The following CCM2 variants were observed in gnomAD, a reference collection of about 807,000 sequenced individuals.
The protein encoded by CCM2 is cerebral cavernous malformations 2 protein.
CCM2 carries 25 observed loss-of-function variants against 44.9 expected under a neutral mutation model. The ratio of observed to expected loss-of-function variants is 0.56; its 90% CI spans 0.41 to 0.78. The LOEUF (loss-of-function observed/expected upper bound fraction) is 0.78, where lower values mean the gene tolerates loss of function less well. Ranked by LOEUF, CCM2 falls within the 30% of genes least tolerant of loss-of-function variation. The probability of loss-of-function intolerance (pLI) is 0.00; values close to 1 mark genes in which losing one functional copy is unlikely to be tolerated. For synonymous variants in CCM2, 219 were observed against 241.1 expected (o/e 0.91, Z 0.85); for missense variants, 481 against 580.6 (o/e 0.83, Z 1.76).
chr7:45,076,371 C>CGGCT lies in CCM2; in HGVS notation c.*316_*319dup, dbSNP rs760302025. ...CAGTCCTGTCGGCTGGGCCCTTGGACGGCTGTCAGTTTTGCACATGATGTT... is the reference window on the plus strand; with the variant it reads ...CAGTCCTGTCGGCTGGGCCCTTGGACGGCTGGCTGTCAGTTTTGCACATGATGTT... On this transcript the variant is annotated 3_prime_UTR_variant, in exon 10 of 10. Transcript: ENST00000258781. 3.7e-6 allele frequency: 2 copies of CGGCT among 539,942 alleles called. No individual in the cohort carries two copies. Among genetic ancestry groups the CGGCT allele is most frequent in the South Asian group, 3.3e-5 (2 of 60,098 alleles). The allele number at this position is 539,942 out of a possible 1,614,324, so 33.4% of individuals were successfully genotyped here.
At chr7:45,015,604 TG>T (rs1796233997) in intron 1 of CCM2, among the ~76,000 whole-genome samples, 1 of 152,212 alleles carries the variant, frequency 6.6e-6, no homozygotes, top group African/African-American at 2.4e-5. Context: ...AGCTGGGCCC[TG>T]GGTATCTCAG....
chr7:45,063,632 A>G (rs1372424265), intron 2 of CCM2, among the ~76,000 whole-genome samples: 1 of 152,238 alleles, frequency 6.6e-6, no homozygotes, highest in Non-Finnish European at 1.5e-5. Context: ...TACCAAAACT[A>G]GTAGTTTTGG....
At chr7:45,070,314 C>T (rs369996021) in intron 6 of CCM2, 1 of 378,382 alleles carries the variant, frequency 2.6e-6, no homozygotes. Context: ...ATTGGGGAGG[C>T]TGAGAGTGGG....
chr7:45,044,765 A>G (rs1797673132), intron 2 of CCM2, among the ~76,000 whole-genome samples: 1 of 152,228 alleles, frequency 6.6e-6, no homozygotes, highest in Non-Finnish European at 1.5e-5. Context: ...GAATATAATT[A>G]TTTCCAAATT....
intron 1 of CCM2, among the ~76,000 whole-genome samples, chr7:45,015,615 G>A (rs6969223): frequency 0.87 from 131,976 of 152,186 alleles, 57,545 homozygotes; most frequent in African/African-American, 0.96. Flanking sequence ...GGGTATCTCA[G>A]TTTTCCCCAT....
intron 1 of CCM2, among the ~76,000 whole-genome samples, chr7:45,002,745 T>C (rs1309099836): frequency 6.6e-6 from 1 of 152,172 alleles, no homozygotes; most frequent in Non-Finnish European, 1.5e-5. Context: ...AAGTGGGCCA[T>C]GGTTCGTTTA....
chr7:45,052,938 A>G lies in CCM2; in HGVS notation c.205-10980A>G, dbSNP rs75643878. Among the ~76,000 whole-genome samples, 1,369 of 152,336 alleles carry G rather than the reference A, an allele frequency of 9.0e-3. 17 individuals carry two copies. The highest frequency in any genetic ancestry group is 0.03 in the African/African-American group (1,258 of 41,566). ...ATAGCTCTTATTCTTTAGACAAAGG[A>G]CCAATGGAAGGATTCTGCAAAGTGC... On this transcript the variant is annotated intron_variant, in intron 2 of 9. Coordinates refer to ENST00000258781, the MANE Select transcript of CCM2 (RefSeq NM_031443.4).
At chr7:45,004,368 G>T (rs1191858250) in intron 1 of CCM2, among the ~76,000 whole-genome samples, 4 of 152,298 alleles carry the variant, frequency 2.6e-5, no homozygotes, top group Admixed American at 2.6e-4. Flanking sequence ...AAACAAAGGG[G>T]ATAGCTGAAT....
At chr7:45,060,759 C>T (rs961692746) in intron 2 of CCM2, among the ~76,000 whole-genome samples, 5 of 152,212 alleles carry the variant, frequency 3.3e-5, no homozygotes, top group African/African-American at 1.2e-4. Context: ...TGTTACAGGA[C>T]TTTTGCTTTC....
intron 1 of CCM2, among the ~76,000 whole-genome samples, chr7:45,022,393 G>A (rs1184611791): frequency 1.6e-5 from 2 of 128,300 alleles, no homozygotes; most frequent in African/African-American, 5.8e-5. Flanking sequence ...TGCAAACTCC[G>A]CCTCCCGGGT....
chr7:45,062,248 T>A (rs1255751507), intron 2 of CCM2, among the ~76,000 whole-genome samples: 1 of 152,112 alleles, frequency 6.6e-6, no homozygotes, highest in Non-Finnish European at 1.5e-5. Context: ...AACTTAACTG[T>A]GTGAGGTAAT....
chr7:45,030,292 G>A (rs1416214184), intron 1 of CCM2, among the ~76,000 whole-genome samples: 1 of 152,204 alleles, frequency 6.6e-6, no homozygotes, highest in African/African-American at 2.4e-5. Context: ...TCAAATACAT[G>A]TTGAATGAAG....
chr7:45,065,152 A>G (rs1184997447), intron 4 of CCM2, among the ~76,000 whole-genome samples: 2 of 45,422 alleles, frequency 4.4e-5, no homozygotes, highest in Non-Finnish European at 8.6e-5. Flanking sequence ...ACAATGGGAT[A>G]GAATTGGGCA....
Position 45,061,323 on chromosome 7 carries a change from C to G in CCM2, c.205-2595C>G, listed in dbSNP as rs147339482. On this transcript the variant is annotated intron_variant, in intron 2 of 9. Coordinates refer to ENST00000258781, the MANE Select transcript of CCM2 (RefSeq NM_031443.4). Reference sequence around the variant, plus strand: ...TCCTCCCCCTTAGGAGAGACATAAACGATAGAGGAGGCAGGAATTGGGTGT... The same window carrying G: ...TCCTCCCCCTTAGGAGAGACATAAAGGATAGAGGAGGCAGGAATTGGGTGT... Among the ~76,000 whole-genome samples the G allele has an allele frequency of 5.7e-4, 86 of 152,194 alleles. 1 individual carries two copies. In the South Asian group the frequency reaches 0.011, roughly 20 times the overall value.
chr7:45,029,523 A>G (rs977835981), intron 1 of CCM2: 12 of 152,092 alleles, frequency 7.9e-5, no homozygotes, highest in African/African-American at 2.7e-4. Context: ...TAGCCATACT[A>G]TTTACTTTGG....
intron 2 of CCM2, among the ~76,000 whole-genome samples, chr7:45,043,153 A>G (rs939302050): frequency 4.6e-5 from 7 of 151,806 alleles, no homozygotes; most frequent in Non-Finnish European, 2.9e-5. Flanking sequence ...TTTATTTTGT[A>G]GAGATGAGGT....
intron 5 of CCM2, among the ~76,000 whole-genome samples, chr7:45,069,190 T>G (rs192870294): frequency 6.6e-6 from 1 of 152,352 alleles, no homozygotes. Context: ...CCACCCACCT[T>G]AAATATCCTC....
chr7:45,073,610 AG>A, intron 8 of CCM2, 39 bp downstream of exon 8: 32 of 1,337,038 alleles, frequency 2.4e-5, no homozygotes, highest in Non-Finnish European at 3.1e-5. Flanking sequence ...TGCATGAGGG[AG>A]GGGGTGCCCC....
intron 1 of CCM2, among the ~76,000 whole-genome samples, chr7:45,014,513 A>C (rs983685495): frequency 1.3e-5 from 2 of 151,456 alleles, no homozygotes; most frequent in African/African-American, 4.9e-5. Context: ...AATTTTGGCC[A>C]TGTTGCCCAC....
Sources: allele counts gnomAD v4.1 joint callset (sites outside exome capture counted in the v4.1 genomes callset), GRCh38; gene constraint gnomAD v4.1.1; transcripts MANE v1.5; gene names NCBI Gene and HGNC (gene_info 2026-07-23, HGNC 2026-07-21).